Variants in FRMD3 observed in about 807,000 individuals in gnomAD.
The protein encoded by FRMD3 is FERM domain-containing protein 3.
In FRMD3, 33 loss-of-function variants were observed where a neutral mutation model predicts 70.2. The ratio of observed to expected loss-of-function variants is 0.47; its 90% CI spans 0.36 to 0.63. The LOEUF (loss-of-function observed/expected upper bound fraction) is 0.63. Among genes scored for constraint, FRMD3 ranks in the 20% least tolerant of loss-of-function variants. The pLI, the probability that FRMD3 is intolerant of heterozygous loss-of-function variation, is 0.00. For missense variants in FRMD3, 632 were observed against 711.4 expected (o/e 0.89, Z 1.27); for synonymous variants, 279 against 255.9 (o/e 1.09, Z -0.86).
Position 83,538,278 on chromosome 9 carries a change from T to G in FRMD3, c.-47A>C. On this transcript the variant is annotated 5_prime_UTR_variant, in exon 1 of 14. Transcript: ENST00000304195. The surrounding 1 kb of genome is among the most constrained non-coding windows in gnomAD (Gnocchi z 4.7). ...AGCGGGAGGCTCAGGGCCGGCGCGGTGCTCGCCTGCGCGGACACACACGCT... is the reference window on the plus strand; with the variant it reads ...AGCGGGAGGCTCAGGGCCGGCGCGGGGCTCGCCTGCGCGGACACACACGCT... The G allele has an allele frequency of 2.0e-6, 3 of 1,519,360 alleles. No individual in the cohort carries two copies. The highest frequency in any genetic ancestry group is 2.6e-6 in the Non-Finnish European group (3 of 1,132,966). 94.1% of individuals were successfully genotyped at this position (1,519,360 alleles called of 1,614,324 possible).
At chr9:83,549,702 G>A in the FRMD3 span, among the ~76,000 whole-genome samples, 2 of 152,130 alleles carry the variant, frequency 1.3e-5, no homozygotes, top group African/African-American at 4.8e-5. Flanking sequence ...AATGATCAGT[G>A]ATATCGAGCA....
chr9:83,336,334 A>T (rs537493761), intron 5 of FRMD3, among the ~76,000 whole-genome samples: 12 of 152,162 alleles, frequency 7.9e-5, no homozygotes, highest in African/African-American at 2.9e-4. Flanking sequence ...AAAATGTTTT[A>T]CATTTTTTAA....
intron 1 of FRMD3, among the ~76,000 whole-genome samples, chr9:83,521,014 C>T (rs1177125448): frequency 6.6e-6 from 1 of 150,502 alleles, no homozygotes; most frequent in Non-Finnish European, 1.5e-5. Context: ...TTGTTGGCAC[C>T]TGTAATCCCA....
chr9:83,308,570 G>A (rs1341416399), intron 10 of FRMD3, among the ~76,000 whole-genome samples: 1 of 152,148 alleles, frequency 6.6e-6, no homozygotes, highest in Non-Finnish European at 1.5e-5. Context: ...CCTGAGCAGG[G>A]CTGGACTAGG....
the FRMD3 span, among the ~76,000 whole-genome samples, chr9:83,555,246 C>A: frequency 6.6e-6 from 1 of 152,050 alleles, no homozygotes; most frequent in South Asian, 2.1e-4. Flanking sequence ...GCAAAGATGG[C>A]GGCTCACCCC....
intron 13 of FRMD3, among the ~76,000 whole-genome samples, chr9:83,250,711 C>A (rs1466801498): frequency 2.0e-5 from 3 of 152,212 alleles, no homozygotes; most frequent in Non-Finnish European, 2.9e-5. Flanking sequence ...AGGAAGGGTA[C>A]CCCACAATGT....
rs1196442461 is a variant in FRMD3 at position 83,398,478 on chromosome 9, G to C, written c.148-8770C>G. On this transcript the variant is annotated intron_variant, in intron 1 of 13. Transcript: ENST00000304195. ...TCACACAGAAATTAAAAGTTTCTTT[G>C]ATTTGTGTTATCCAAATATTTTCAA... 2.0e-5 allele frequency among the ~76,000 whole-genome samples: 3 copies of C among 152,134 alleles called. No homozygotes were observed. In the East Asian group the frequency reaches 5.8e-4, roughly 29 times the overall value.
intron 1 of FRMD3, among the ~76,000 whole-genome samples, chr9:83,509,915 C>T (rs1452138174): frequency 1.3e-5 from 2 of 152,070 alleles, no homozygotes; most frequent in Non-Finnish European, 2.9e-5. Flanking sequence ...AAAATAAGCT[C>T]GTGACCTTAG....
intron 13 of FRMD3, among the ~76,000 whole-genome samples, chr9:83,287,772 G>A (rs1467708671): frequency 6.6e-6 from 1 of 152,228 alleles, no homozygotes; most frequent in African/African-American, 2.4e-5. Context: ...GGCAGCTCAA[G>A]GCACTGATAT....
intron 13 of FRMD3, among the ~76,000 whole-genome samples, chr9:83,278,875 C>T (rs1395037267): frequency 6.6e-6 from 1 of 152,128 alleles, no homozygotes; most frequent in African/African-American, 2.4e-5. Flanking sequence ...AGAGAGCAAA[C>T]TAAGGGCCCA....
intron 1 of FRMD3, among the ~76,000 whole-genome samples, chr9:83,459,975 G>A (rs370420015): frequency 1.3e-5 from 2 of 152,218 alleles, no homozygotes; most frequent in East Asian, 3.8e-4. Flanking sequence ...AAGCTCTCTG[G>A]TGTCTCTTCT....
At chr9:83,313,313 C>T (rs750274443) in intron 7 of FRMD3, among the ~76,000 whole-genome samples, 29 of 152,252 alleles carry the variant, frequency 1.9e-4, no homozygotes, top group African/African-American at 6.7e-4. Context: ...TTCCACTTTC[C>T]CATTTTTTAA....
chr9:83,244,328 C>T (rs1758655604), downstream of FRMD3, among the ~76,000 whole-genome samples: 1 of 74,912 alleles, frequency 1.3e-5, no homozygotes, highest in South Asian at 1.2e-3. Context: ...AGTCAGAATA[C>T]CCCTCTTCTA....
chr9:83,520,843 C>T (rs919137930), intron 1 of FRMD3, among the ~76,000 whole-genome samples: 12 of 152,038 alleles, frequency 7.9e-5, no homozygotes, highest in South Asian at 2.1e-4. Flanking sequence ...AAAAGGTCTC[C>T]GGCTGGCACA....
chr9:83,283,237 C>T (rs1278450866), intron 13 of FRMD3, among the ~76,000 whole-genome samples: 1 of 151,998 alleles, frequency 6.6e-6, no homozygotes, highest in East Asian at 1.9e-4. Flanking sequence ...CTTCAAGAAT[C>T]CAATAGGTGT....
intron 13 of FRMD3, 145 bp downstream of exon 13, chr9:83,290,458 A>C: frequency 1.2e-6 from 1 of 867,738 alleles, no homozygotes; most frequent in Non-Finnish European, 1.9e-6. Context: ...CAGCTGCAAA[A>C]AGCTTATTTA....
intron 6 of FRMD3, among the ~76,000 whole-genome samples, chr9:83,324,314 C>T (rs1391231140): frequency 1.3e-5 from 2 of 152,044 alleles, no homozygotes; most frequent in Non-Finnish European, 2.9e-5. Flanking sequence ...GAATAAGCAA[C>T]CCAAAATTCA....
At chr9:83,557,608 G>A in the FRMD3 span, among the ~76,000 whole-genome samples, 1 of 152,126 alleles carries the variant, frequency 6.6e-6, no homozygotes, top group Non-Finnish European at 1.5e-5. Flanking sequence ...TCAATTGATT[G>A]GTATAAGTAC....
chr9:83,448,603 A>G (rs937555053), intron 1 of FRMD3, among the ~76,000 whole-genome samples: 40 of 152,168 alleles, frequency 2.6e-4, no homozygotes, highest in African/African-American at 9.7e-4. Flanking sequence ...GTATCTCAGA[A>G]GAGAAACAAT....
Sources: gnomAD v4.1 joint callset for allele counts (sites outside exome capture counted in the v4.1 genomes callset) on GRCh38, gnomAD v4.1.1 for gene constraint, Gnocchi (gnomAD v3.1) non-coding constraint, MANE v1.5 for transcripts, NCBI Gene and HGNC (gene_info 2026-07-23, HGNC 2026-07-21) for gene names.